The following TENM4 variants were observed in gnomAD, a reference collection of about 807,000 sequenced individuals.
TENM4 encodes teneurin-4.
TENM4 carries 82 observed loss-of-function variants against 243.3 expected under a neutral mutation model. The ratio of observed to expected loss-of-function variants is 0.34; its 90% CI spans 0.28 to 0.40. The LOEUF (loss-of-function observed/expected upper bound fraction) is 0.40, where lower values mean the gene tolerates loss of function less well. Among genes scored for constraint, TENM4 ranks in the 10% least tolerant of loss-of-function variants. TENM4 has a pLI of 1.00. For synonymous variants in TENM4, 1,412 were observed against 1,456.3 expected (o/e 0.97, Z 0.69); for missense variants, 3,138 against 3,673.3 (o/e 0.85, Z 3.77).
intron 6 of TENM4, among the ~76,000 whole-genome samples, chr11:79,028,518 C>T (rs1859143174): frequency 6.6e-6 from 1 of 152,190 alleles, no homozygotes; most frequent in Non-Finnish European, 1.5e-5. Flanking sequence ...TCAGAGTTGT[C>T]TCAAATTGGG....
chr11:78,914,737 T>C (rs920460442), intron 6 of TENM4, among the ~76,000 whole-genome samples: 5 of 152,188 alleles, frequency 3.3e-5, no homozygotes, highest in Non-Finnish European at 7.3e-5. Flanking sequence ...CCACTGTGTC[T>C]TCCTTCTTTT....
chr11:79,396,078 C>T (rs946190028), intron 1 of TENM4, among the ~76,000 whole-genome samples: 1 of 152,188 alleles, frequency 6.6e-6, no homozygotes, highest in Non-Finnish European at 1.5e-5. Context: ...CTCAGACCTT[C>T]CCCCTGCCTA....
intron 6 of TENM4, among the ~76,000 whole-genome samples, chr11:78,986,655 C>G (rs1166891201): frequency 6.6e-6 from 1 of 151,376 alleles, no homozygotes; most frequent in East Asian, 1.9e-4. Context: ...CCTCCGCCTC[C>G]CTCCACCTCC....
intron 6 of TENM4, among the ~76,000 whole-genome samples, chr11:79,010,967 G>A (rs769526846): frequency 3.5e-4 from 53 of 152,190 alleles, no homozygotes; most frequent in Non-Finnish European, 5.7e-4. Context: ...TATTCTCTGG[G>A]CCTTAGTTTT....
chr11:78,673,714 T>C (rs994795006), intron 30 of TENM4, among the ~76,000 whole-genome samples: 3 of 152,210 alleles, frequency 2.0e-5, no homozygotes, highest in Non-Finnish European at 4.4e-5. Flanking sequence ...GAATAGATGG[T>C]TGGAATTATT....
At chr11:79,081,822 T>A (rs943043081) in intron 4 of TENM4, among the ~76,000 whole-genome samples, 5 of 152,028 alleles carry the variant, frequency 3.3e-5, no homozygotes, top group Non-Finnish European at 7.4e-5. Context: ...TTATATTTCC[T>A]CCTCAGTTAC....
intron 5 of TENM4, 68 bp from the exon 6 acceptor site, chr11:79,065,075 G>A (rs4397884): frequency 9.1e-6 from 13 of 1,427,746 alleles, no homozygotes; most frequent in Non-Finnish European, 1.2e-5. Flanking sequence ...TCTGCCTGAA[G>A]CCTGGCCTTC....
chr11:78,985,228 G>A (rs1370026589), intron 6 of TENM4, among the ~76,000 whole-genome samples: 1 of 151,756 alleles, frequency 6.6e-6, no homozygotes, highest in Non-Finnish European at 1.5e-5. Context: ...CATGTCCTAT[G>A]TATTATTTGA....
intron 6 of TENM4, among the ~76,000 whole-genome samples, chr11:79,028,346 T>C (rs1294095435): frequency 6.6e-6 from 1 of 152,230 alleles, no homozygotes; most frequent in African/African-American, 2.4e-5. Context: ...AAATAAACTC[T>C]GAAATGGAGA....
At chr11:78,726,689 A>C (rs1021425970) in intron 22 of TENM4, among the ~76,000 whole-genome samples, 1 of 152,066 alleles carries the variant, frequency 6.6e-6, no homozygotes, top group Admixed American at 6.5e-5. Flanking sequence ...CCTGAGATCC[A>C]GATGTTTAAA....
chr11:78,999,240 G>A (rs779812133), intron 6 of TENM4, among the ~76,000 whole-genome samples: 32 of 152,216 alleles, frequency 2.1e-4, no homozygotes, highest in Non-Finnish European at 3.8e-4. Flanking sequence ...TGGGCTGGGC[G>A]GGGTGGCTCA....
At chr11:79,079,201 G>A (rs930792664) in intron 4 of TENM4, among the ~76,000 whole-genome samples, 2 of 152,130 alleles carry the variant, frequency 1.3e-5, no homozygotes, top group Non-Finnish European at 2.9e-5. Context: ...TCAGCGGCTG[G>A]CAGGCAGGTG....
In TENM4 at chr11:79,045,399, T is replaced by G. The variant is rs1859632117; in HGVS notation, c.493+19339A>C. Among the ~76,000 whole-genome samples the G allele has an allele frequency of 1.3e-5, 2 of 152,150 alleles. 1 individual carries two copies. Among genetic ancestry groups the G allele is most frequent in the South Asian group, 4.1e-4 (2 of 4,826 alleles). ...CGGGGTCAGTGGGGTCAGAAGGGGT[T>G]GGATCAGGAAGGGGCTTGGTGCAGT... On this transcript the variant is annotated intron_variant, in intron 6 of 33. Transcript: ENST00000278550.
At chr11:79,196,604 T>C (rs185393630) in intron 3 of TENM4, among the ~76,000 whole-genome samples, 3 of 152,272 alleles carry the variant, frequency 2.0e-5, no homozygotes, top group East Asian at 1.9e-4. Flanking sequence ...ATTCCTATCA[T>C]GGACAAGGTC....
chr11:79,156,329 G>A (rs975402633), intron 3 of TENM4, among the ~76,000 whole-genome samples: 4 of 152,226 alleles, frequency 2.6e-5, no homozygotes, highest in Non-Finnish European at 5.9e-5. Flanking sequence ...CGAGGTGCTT[G>A]TCAGCATGGA....
intron 30 of TENM4, among the ~76,000 whole-genome samples, chr11:78,673,838 G>A (rs914217116): frequency 1.3e-5 from 2 of 152,196 alleles, no homozygotes; most frequent in African/African-American, 4.8e-5. Context: ...TTATAATGAC[G>A]ATGCTGACTT....
At chr11:79,348,876 A>C (rs1275736192) in intron 1 of TENM4, among the ~76,000 whole-genome samples, 2 of 152,266 alleles carry the variant, frequency 1.3e-5, no homozygotes, top group African/African-American at 2.4e-5. Context: ...TTACAGATTT[A>C]AAATTAGGAT....
intron 1 of TENM4, among the ~76,000 whole-genome samples, chr11:79,425,908 T>C (rs1332281615): frequency 6.6e-6 from 1 of 152,216 alleles, no homozygotes; most frequent in African/African-American, 2.4e-5. Flanking sequence ...GGCAACATTT[T>C]GACTTGAAAA....
At chr11:79,245,952 A>G (rs1332125485) in intron 2 of TENM4, among the ~76,000 whole-genome samples, 1 of 150,970 alleles carries the variant, frequency 6.6e-6, no homozygotes, top group Non-Finnish European at 1.5e-5. Flanking sequence ...AAAAAAAAAA[A>G]AAAAAAAAAA....
Sources: gnomAD v4.1 joint callset for allele counts (sites outside exome capture counted in the v4.1 genomes callset) on GRCh38, gnomAD v4.1.1 for gene constraint, MANE v1.5 for transcripts, NCBI Gene and HGNC (gene_info 2026-07-23, HGNC 2026-07-21) for gene names.